The following CCDC91 variants were observed in gnomAD, a reference collection of about 807,000 sequenced individuals.
CCDC91 encodes coiled-coil domain-containing protein 91.
In CCDC91, 48 loss-of-function variants were observed where a neutral mutation model predicts 63.2. The observed-to-expected ratio is 0.76, with a 90% confidence interval of 0.60 to 0.97. The LOEUF (loss-of-function observed/expected upper bound fraction) is 0.97, where lower values mean the gene tolerates loss of function less well. CCDC91 is among the 50% of genes least tolerant of loss of function. CCDC91 has a pLI of 0.00. For synonymous variants in CCDC91, 167 were observed against 165.8 expected, an observed-to-expected ratio of 1.01 and a Z score of -0.06; for missense variants, 500 against 494.6, an observed-to-expected ratio of 1.01 and a Z score of -0.10.
At position 28,275,313 on chromosome 12, in the gene CCDC91, A is replaced by G. The variant is rs558855134; in HGVS notation, c.109+15871A>G. On this transcript the variant is annotated intron_variant, in intron 3 of 12. Coordinates refer to ENST00000536442, the MANE Select transcript of CCDC91 (RefSeq NM_018318.5). The stretch of plus-strand genomic sequence containing the variant: ...ATCACCACCCATCCCACAGAAATAC[A>G]AACTACCATCAGAGAATACTATAAA... Among the ~76,000 whole-genome samples the G allele has an allele frequency of 8.5e-4, 129 of 152,304 alleles. 2 individuals are homozygous for G. Among genetic ancestry groups the G allele is most frequent in the African/African-American group, 3.0e-3 (124 of 41,580 alleles).
chr12:28,450,306 A>G lies in CCDC91; in HGVS notation c.856-44A>G, dbSNP rs151298938. On this transcript the variant is annotated intron_variant, in intron 9 of 12. Coordinates refer to ENST00000536442, the MANE Select transcript of CCDC91 (RefSeq NM_018318.5). ...AGAAAGAATGTGTTCTGTTACCTCA[A>G]ATAATACATTTAATGTCTTTCCAAC... The G allele has an allele frequency of 1.4e-4, 223 of 1,586,928 alleles. 2 individuals carry two copies. In the African/African-American group the frequency reaches 2.6e-3, roughly 19 times the overall value.
chr12:28,526,754 G>T (rs1404051323), intron 12 of CCDC91, among the ~76,000 whole-genome samples: 1 of 151,738 alleles, frequency 6.6e-6, no homozygotes, highest in Non-Finnish European at 1.5e-5. Flanking sequence ...TCTTAGGTTT[G>T]GCCATTTAAC....
At chr12:28,444,129 A>G (rs1338715926) in intron 8 of CCDC91, among the ~76,000 whole-genome samples, 2 of 152,198 alleles carry the variant, frequency 1.3e-5, no homozygotes, top group Non-Finnish European at 2.9e-5. Flanking sequence ...CCCTGATGGA[A>G]TTGTTGTGCT....
chr12:28,361,419 A>C (rs1347719327), intron 6 of CCDC91, among the ~76,000 whole-genome samples: 1 of 151,848 alleles, frequency 6.6e-6, no homozygotes, highest in Admixed American at 6.6e-5. Flanking sequence ...CCTATGAGTG[A>C]GAATGTGCGG....
At chr12:28,315,791 C>A (rs1036707225) in intron 6 of CCDC91, among the ~76,000 whole-genome samples, 1 of 151,154 alleles carries the variant, frequency 6.6e-6, no homozygotes, top group Admixed American at 6.6e-5. Context: ...TTTGTGCCCT[C>A]AACAGGTAAT....
In CCDC91 at chr12:28,422,392, ATCT is replaced by A. The variant is rs140063477; in HGVS notation, c.763-27764_763-27762del. Among the ~76,000 whole-genome samples, 1,467 of 152,106 alleles carry A rather than the reference ATCT, an allele frequency of 9.6e-3. 26 individuals carry two copies. Among genetic ancestry groups the A allele is most frequent in the African/African-American group, 0.033 (1,376 of 41,502 alleles). ...ATTAATGGCATTTAATACTATTTTT[ATCT>A]TCTTAATTTTGTATACAGTGGTTAT... On this transcript the variant is annotated intron_variant, in intron 8 of 12. Coordinates refer to ENST00000536442, the MANE Select transcript of CCDC91 (RefSeq NM_018318.5).
chr12:28,208,316 C>CATA (rs59453785), intron 1 of CCDC91, among the ~76,000 whole-genome samples: 39,590 of 151,950 alleles, frequency 0.26, 5,399 homozygotes, highest in Non-Finnish European at 0.31. Flanking sequence ...AATAACTTAA[C>CATA]ATAACTTTAA....
intron 1 of CCDC91, among the ~76,000 whole-genome samples, chr12:28,199,350 C>T (rs1942031315): frequency 6.6e-6 from 1 of 151,808 alleles, no homozygotes. Flanking sequence ...CCTATATATT[C>T]CCTCCCCTTC....
intron 8 of CCDC91, among the ~76,000 whole-genome samples, chr12:28,445,613 C>G (rs1346209307): frequency 6.6e-6 from 1 of 152,186 alleles, no homozygotes; most frequent in Admixed American, 6.5e-5. Flanking sequence ...GTTGTGTTCT[C>G]AAGTCCTCTT....
At chr12:28,541,783 GTTATA>G (rs1158382986) in intron 12 of CCDC91, among the ~76,000 whole-genome samples, 1 of 151,894 alleles carries the variant, frequency 6.6e-6, no homozygotes, top group Non-Finnish European at 1.5e-5. Flanking sequence ...TATGTGGCCT[GTTATA>G]TTAAGATAAG....
At chr12:28,539,149 T>G (rs1485777478) in intron 12 of CCDC91, among the ~76,000 whole-genome samples, 9 of 152,204 alleles carry the variant, frequency 5.9e-5, no homozygotes, top group Admixed American at 1.3e-4. Context: ...TTGTTGCCAT[T>G]GCTTTTGGTG....
chr12:28,476,275 C>G (rs1951085805), intron 11 of CCDC91, among the ~76,000 whole-genome samples: 1 of 152,156 alleles, frequency 6.6e-6, no homozygotes, highest in Non-Finnish European at 1.5e-5. Context: ...CAAACTGTCT[C>G]TCAGACCACA....
At chr12:28,198,263 T>G (rs1474356555) in intron 1 of CCDC91, among the ~76,000 whole-genome samples, 2 of 152,162 alleles carry the variant, frequency 1.3e-5, no homozygotes, top group Non-Finnish European at 2.9e-5. Flanking sequence ...TTATGAGAAT[T>G]CAGAACTTCT....
chr12:28,250,206 T>C (rs1029149824), intron 1 of CCDC91, among the ~76,000 whole-genome samples: 6 of 152,160 alleles, frequency 3.9e-5, no homozygotes, highest in Non-Finnish European at 8.8e-5. Context: ...CTTTTTGGGA[T>C]GTGTAAGTTT....
intron 6 of CCDC91, among the ~76,000 whole-genome samples, chr12:28,339,417 G>A (rs1365072605): frequency 1.3e-5 from 2 of 151,818 alleles, no homozygotes; most frequent in Non-Finnish European, 2.9e-5. Flanking sequence ...TTTGGGGCTG[G>A]CATACTTAAA....
intron 11 of CCDC91, among the ~76,000 whole-genome samples, chr12:28,474,605 T>C (rs1276516768): frequency 2.0e-5 from 3 of 152,012 alleles, no homozygotes; most frequent in Non-Finnish European, 4.4e-5. Context: ...CCATAATCTA[T>C]CTAAAGAGGG....
At chr12:28,363,876 G>GAAAAAAAAAAAAAAAA (rs34997286) in intron 7 of CCDC91, among the ~76,000 whole-genome samples, 1 of 52,560 alleles carries the variant, frequency 1.9e-5, no homozygotes, top group Non-Finnish European at 3.2e-5. Context: ...GGCTCCATCT[G>GAAAAAAAAAAAAAAAA]AAAAAAAAAA....
At chr12:28,461,182 T>C (rs1402966500) in intron 11 of CCDC91, among the ~76,000 whole-genome samples, 1 of 152,018 alleles carries the variant, frequency 6.6e-6, no homozygotes, top group Non-Finnish European at 1.5e-5. Context: ...CAGTCCCTCA[T>C]TGACAAAAAT....
intron 1 of CCDC91, among the ~76,000 whole-genome samples, chr12:28,206,221 A>T (rs577511804): frequency 3.3e-5 from 5 of 152,140 alleles, no homozygotes; most frequent in Non-Finnish European, 5.9e-5. Flanking sequence ...GGCCACCCAT[A>T]ATTTTGTTTA....
Sources: gnomAD v4.1 joint callset for allele counts (sites outside exome capture counted in the v4.1 genomes callset) on GRCh38, gnomAD v4.1.1 for gene constraint, MANE v1.5 for transcripts, NCBI Gene and HGNC (gene_info 2026-07-23, HGNC 2026-07-21) for gene names.